RABGAP1L: variants seen among roughly 807,000 people sequenced by gnomAD.
The protein encoded by RABGAP1L is RAB GTPase activating protein 1 like.
Under a neutral mutation model 137.7 loss-of-function variants are expected in RABGAP1L, and 63 were observed. The observed-to-expected ratio is 0.46, with a 90% CI of 0.37 to 0.56. RABGAP1L has a LOEUF of 0.56. Ranked by LOEUF, RABGAP1L falls within the 20% of genes least tolerant of loss-of-function variation. The pLI is 0.00. For synonymous variants in RABGAP1L, 431 were observed against 433.7 expected, an observed-to-expected ratio of 0.99 and a Z score of 0.08; for missense variants, 1,095 against 1,244.0, an observed-to-expected ratio of 0.88 and a Z score of 1.80.
At chr1:174,688,577 C>T (rs942786820) in intron 15 of RABGAP1L, among the ~76,000 whole-genome samples, 19 of 152,032 alleles carry the variant, frequency 1.2e-4, no homozygotes, top group South Asian at 4.1e-4. Flanking sequence ...GTCAAATTTA[C>T]GCACTTGTAC....
chr1:174,882,590 C>A (rs1332942549), intron 19 of RABGAP1L, among the ~76,000 whole-genome samples: 1 of 152,160 alleles, frequency 6.6e-6, no homozygotes, highest in African/African-American at 2.4e-5. Context: ...ATCTCTCTAT[C>A]CACACTTTGG....
chr1:174,913,133 G>A (rs1423599985), intron 19 of RABGAP1L, among the ~76,000 whole-genome samples: 1 of 151,920 alleles, frequency 6.6e-6, no homozygotes, highest in Non-Finnish European at 1.5e-5. Context: ...ATGCCACCAC[G>A]CCTGGCTAAT....
intron 14 of RABGAP1L, among the ~76,000 whole-genome samples, chr1:174,668,995 T>C (rs762876949): frequency 2.0e-5 from 3 of 152,224 alleles, no homozygotes; most frequent in Non-Finnish European, 4.4e-5. Context: ...ATAATTTTCA[T>C]TGTTAACCCC....
At chr1:174,578,290 T>C (rs896836919) in intron 13 of RABGAP1L, among the ~76,000 whole-genome samples, 2 of 152,184 alleles carry the variant, frequency 1.3e-5, no homozygotes, top group African/African-American at 4.8e-5. Context: ...GCTCAAGCAG[T>C]CCTCCTGCCT....
chr1:174,199,772 T>G (rs1382297724), intron 1 of RABGAP1L, among the ~76,000 whole-genome samples: 1 of 152,222 alleles, frequency 6.6e-6, no homozygotes, highest in Non-Finnish European at 1.5e-5. Context: ...AAAATCAGTG[T>G]TGATGGTTCT....
chr1:174,753,341 T>C (rs1250005194), intron 18 of RABGAP1L, among the ~76,000 whole-genome samples: 1 of 152,194 alleles, frequency 6.6e-6, no homozygotes, highest in East Asian at 1.9e-4. Context: ...TGATGTGGTA[T>C]CATAGGAGGA....
At chr1:174,777,134 TTG>T (rs1219942818) in intron 18 of RABGAP1L, among the ~76,000 whole-genome samples, 1 of 152,240 alleles carries the variant, frequency 6.6e-6, no homozygotes, top group Non-Finnish European at 1.5e-5. Flanking sequence ...AGTTTTTATT[TTG>T]GCAGTAAATC....
chr1:174,378,085 T>A (rs1452089652), intron 12 of RABGAP1L, among the ~76,000 whole-genome samples: 1 of 146,572 alleles, frequency 6.8e-6, no homozygotes, highest in Non-Finnish European at 1.5e-5. Flanking sequence ...GATTTCCAAT[T>A]TCATCCATGT....
chr1:174,608,082 C>T (rs1263501873), intron 13 of RABGAP1L, among the ~76,000 whole-genome samples: 1 of 152,158 alleles, frequency 6.6e-6, no homozygotes, highest in African/African-American at 2.4e-5. Flanking sequence ...CCTAGGGAGA[C>T]AGCTCAAAGC....
At chr1:174,255,615 C>T (rs754332365) in intron 7 of RABGAP1L, among the ~76,000 whole-genome samples, 6 of 152,196 alleles carry the variant, frequency 3.9e-5, no homozygotes, top group Non-Finnish European at 7.4e-5. Context: ...ACCTCCACCT[C>T]CTAGGTTCCA....
chr1:174,454,775 T>A (rs114297356), intron 13 of RABGAP1L, among the ~76,000 whole-genome samples: 3,055 of 152,036 alleles, frequency 0.02, 111 homozygotes, highest in African/African-American at 0.071. Flanking sequence ...GGTCTCGATC[T>A]CCTGACCTCC....
intron 3 of RABGAP1L, among the ~76,000 whole-genome samples, chr1:174,230,313 G>A (rs1470457294): frequency 6.6e-6 from 1 of 151,840 alleles, no homozygotes; most frequent in East Asian, 1.9e-4. Context: ...TGAGTTAATG[G>A]ATGCAGCACA....
chr1:174,393,476 T>C (rs1222339661), intron 12 of RABGAP1L, among the ~76,000 whole-genome samples: 1 of 152,184 alleles, frequency 6.6e-6, no homozygotes, highest in East Asian at 1.9e-4. Flanking sequence ...ATGTATGCCT[T>C]ATGCCTCCTA....
intron 13 of RABGAP1L, among the ~76,000 whole-genome samples, chr1:174,527,487 T>C (rs368989013): frequency 1.1e-4 from 16 of 152,244 alleles, no homozygotes; most frequent in African/African-American, 3.8e-4. Flanking sequence ...ATTACAGGCG[T>C]GAGCTACCAT....
chr1:174,259,927 C>G (rs561022735), intron 7 of RABGAP1L, among the ~76,000 whole-genome samples: 1 of 151,660 alleles, frequency 6.6e-6, no homozygotes, highest in African/African-American at 2.4e-5. Flanking sequence ...CTCTGCCTCC[C>G]GGGTTCAAGC....
At chr1:174,746,844 C>T (rs1683908463) in intron 17 of RABGAP1L, among the ~76,000 whole-genome samples, 1 of 152,080 alleles carries the variant, frequency 6.6e-6, no homozygotes, top group Non-Finnish European at 1.5e-5. Context: ...TAGGGACATG[C>T]CTTTAATGTA....
chr1:174,233,535 G>A (rs1222183931), intron 4 of RABGAP1L, among the ~76,000 whole-genome samples: 9 of 142,558 alleles, frequency 6.3e-5, no homozygotes, highest in Non-Finnish European at 1.3e-4. Context: ...TTGTTCTTGC[G>A]ATAGTTTACT....
At chr1:174,868,409 C>A (rs1651655609) in intron 19 of RABGAP1L, among the ~76,000 whole-genome samples, 1 of 152,134 alleles carries the variant, frequency 6.6e-6, no homozygotes, top group Non-Finnish European at 1.5e-5. Flanking sequence ...TTATTTCTCT[C>A]CCCCTTCCCC....
chr1:174,248,688 A>G (rs763790470), intron 5 of RABGAP1L, among the ~76,000 whole-genome samples: 3 of 152,220 alleles, frequency 2.0e-5, no homozygotes, highest in Non-Finnish European at 4.4e-5. Flanking sequence ...AAAAAGTGGC[A>G]GAATATGTGA....
Sources: gnomAD v4.1 joint callset for allele counts (sites outside exome capture counted in the v4.1 genomes callset) on GRCh38, gnomAD v4.1.1 for gene constraint, MANE v1.5 for transcripts, NCBI Gene and HGNC (gene_info 2026-07-23, HGNC 2026-07-21) for gene names.